Variants in TRAK1 observed in about 807,000 individuals in gnomAD.
TRAK1 encodes trafficking kinesin protein 1.
Under a neutral mutation model 92.1 loss-of-function variants are expected in TRAK1, and 33 were observed. The ratio of observed to expected loss-of-function variants is 0.36; its 90% confidence interval spans 0.27 to 0.48. The LOEUF (loss-of-function observed/expected upper bound fraction) is 0.48. TRAK1 is among the 20% of genes least tolerant of loss of function. TRAK1 has a pLI of 0.99. For synonymous variants in TRAK1, 521 were observed against 517.3 expected, an observed-to-expected ratio of 1.01 and a Z score of -0.10; for missense variants, 1,123 against 1,257.9, an observed-to-expected ratio of 0.89 and a Z score of 1.62.
chr3:42,044,354 G>A (rs1702674593), intron 1 of TRAK1, among the ~76,000 whole-genome samples: 1 of 152,102 alleles, frequency 6.6e-6, no homozygotes, highest in Admixed American at 6.5e-5. Context: ...TAGAGACAGG[G>A]TTTCACCGTG....
At chr3:42,112,135 CTTTTTTTTTTTT>C (rs1223261204) in intron 1 of TRAK1, among the ~76,000 whole-genome samples, 1 of 71,044 alleles carries the variant, frequency 1.4e-5, no homozygotes, top group Non-Finnish European at 2.5e-5. Flanking sequence ...TCAGCTCTTA[CTTTTTTTTTTTT>C]TTTTTTTTTT....
At chr3:42,071,609 G>A (rs1046634002) in intron 1 of TRAK1, among the ~76,000 whole-genome samples, 4 of 151,958 alleles carry the variant, frequency 2.6e-5, no homozygotes, top group African/African-American at 9.7e-5. Flanking sequence ...TTGGGAGGCT[G>A]AGGCAGGAGA....
At chr3:42,214,862 C>A (rs1022659389) in intron 14 of TRAK1, among the ~76,000 whole-genome samples, 4 of 152,164 alleles carry the variant, frequency 2.6e-5, no homozygotes, top group African/African-American at 9.7e-5. Context: ...AAAATAAATA[C>A]CAAGCCTCTG....
chr3:42,127,716 T>C (rs536759810), intron 2 of TRAK1, among the ~76,000 whole-genome samples: 312 of 152,162 alleles, frequency 2.1e-3, no homozygotes, highest in Non-Finnish European at 3.2e-3. Flanking sequence ...AGACCATCCA[T>C]GGGCAACACC....
chr3:42,105,776 C>T (rs1007365166), intron 1 of TRAK1, among the ~76,000 whole-genome samples: 26 of 152,248 alleles, frequency 1.7e-4, no homozygotes, highest in Admixed American at 1.3e-3. Flanking sequence ...AGAGAAAGGT[C>T]GGGTTACCCA....
At chr3:42,036,216 T>G (rs1702320855) in intron 1 of TRAK1, among the ~76,000 whole-genome samples, 1 of 152,214 alleles carries the variant, frequency 6.6e-6, no homozygotes, top group Non-Finnish European at 1.5e-5. Flanking sequence ...CTGAGCTTGT[T>G]GAGATCATTA....
chr3:42,082,570 G>A (rs1230760673), upstream of TRAK1, among the ~76,000 whole-genome samples: 1 of 151,940 alleles, frequency 6.6e-6, no homozygotes, highest in East Asian at 1.9e-4. Flanking sequence ...ACTCCAGCCT[G>A]GGAGACAGAG....
chr3:42,016,731 A>C (rs940045304), intron 1 of TRAK1, among the ~76,000 whole-genome samples: 1 of 152,314 alleles, frequency 6.6e-6, no homozygotes, highest in African/African-American at 2.4e-5. Context: ...GAGAGTAAGC[A>C]GATAGGTGGC....
intron 1 of TRAK1, among the ~76,000 whole-genome samples, chr3:42,125,009 A>AG (rs752904590): frequency 2.6e-5 from 4 of 152,338 alleles, no homozygotes; most frequent in South Asian, 4.1e-4. Context: ...AATTCTAGAT[A>AG]GGAGGATAGC....
chr3:42,210,403 TAAAAA>T (rs10717713), intron 14 of TRAK1: 531 of 1,077,108 alleles, frequency 4.9e-4, no homozygotes, highest in Middle Eastern at 1.9e-3. Flanking sequence ...GAAAGGCTGC[TAAAAA>T]AAAAAAAAAA....
upstream of TRAK1, among the ~76,000 whole-genome samples, chr3:42,082,880 T>C (rs1343271947): frequency 1.3e-5 from 2 of 152,272 alleles, no homozygotes; most frequent in Non-Finnish European, 2.9e-5. Context: ...CTACTGTTTT[T>C]CTGCCTACAG....
rs530459741 is a variant in TRAK1, at chr3:42,029,388, G to C, written c.-519+15271G>C. ...CCAGTAGCTGGGACTGCAGGTGCGC[G>C]CCACCATGCCTGGCTAATTTTGCTT... On this transcript the variant is annotated intron_variant, in intron 1 of 16. Coordinates refer to the TRAK1 transcript ENST00000487159. Among the ~76,000 whole-genome samples, 16 of 151,508 alleles carry C rather than the reference G, an allele frequency of 1.1e-4. No individual in the cohort carries two copies. In the South Asian group the frequency reaches 3.4e-3, roughly 32 times the overall value.
intron 2 of TRAK1, chr3:42,146,150 C>T: frequency 5.0e-6 from 2 of 397,446 alleles, no homozygotes; most frequent in Admixed American, 6.4e-5. Flanking sequence ...GGTCTGCAAA[C>T]CATTTCATCT....
Position 42,060,934 on chromosome 3 carries a change from T to G in TRAK1, c.-518-26170T>G, listed in dbSNP as rs563367929. Among the ~76,000 whole-genome samples the G allele has an allele frequency of 5.9e-5, 9 of 152,080 alleles. No homozygotes were observed. The South Asian group carries it at 1.9e-3, about 32-fold the overall frequency. On this transcript the variant is annotated intron_variant, in intron 1 of 16. Coordinates refer to the TRAK1 transcript ENST00000487159. ...GCATGAGCCACCGCGCCCGGCCTTT[T>G]TTGTTGTTGTTGTTTGTTTGTTTTG...
At chr3:42,054,812 T>C (rs1039455875) in intron 1 of TRAK1, among the ~76,000 whole-genome samples, 3 of 151,608 alleles carry the variant, frequency 2.0e-5, no homozygotes, top group African/African-American at 7.3e-5. Flanking sequence ...GCCATGATTA[T>C]CTCTGAACTT....
At chr3:42,097,398 C>T (rs539987978) in intron 1 of TRAK1, among the ~76,000 whole-genome samples, 4 of 152,166 alleles carry the variant, frequency 2.6e-5, no homozygotes, top group East Asian at 1.9e-4. Flanking sequence ...TGTGTTCAGA[C>T]GATGTGGGAG....
At chr3:42,065,368 A>G (rs957742300) in intron 1 of TRAK1, among the ~76,000 whole-genome samples, 4 of 152,218 alleles carry the variant, frequency 2.6e-5, no homozygotes, top group Non-Finnish European at 4.4e-5. Flanking sequence ...GAATATTTGC[A>G]TTATACTTGC....
At chr3:42,176,703 C>T in intron 2 of TRAK1, 111 bp from the exon 3 acceptor site, 2 of 926,526 alleles carry the variant, frequency 2.2e-6, no homozygotes, top group Non-Finnish European at 3.5e-6. Context: ...GAGCCAGTGA[C>T]CCTCTGTGTC....
At position 42,077,894 on chromosome 3, in the gene TRAK1, A is replaced by C. The variant is rs144429272; in HGVS notation, c.-518-9210A>C. Among the ~76,000 whole-genome samples the C allele has an allele frequency of 1.1e-4, 16 of 152,264 alleles. No individual in the cohort carries two copies. In the East Asian group the frequency reaches 3.1e-3, roughly 29 times the overall value. ...AAGTATAGAATGTTATTGTCTGTGA[A>C]GAGAGAGAGCGTCTCAGACTTTTAT... On this transcript the variant is annotated intron_variant, in intron 1 of 16. Coordinates refer to the TRAK1 transcript ENST00000487159.
Sources: gnomAD v4.1 joint callset for allele counts (sites outside exome capture counted in the v4.1 genomes callset) on GRCh38, gnomAD v4.1.1 for gene constraint, MANE v1.5 for transcripts, NCBI Gene and HGNC (gene_info 2026-07-23, HGNC 2026-07-21) for gene names.